Variants in CSMD2 observed in about 807,000 individuals in gnomAD.
The protein encoded by CSMD2 is CUB and sushi domain-containing protein 2.
A neutral mutation model predicts 398.5 loss-of-function variants in CSMD2; 130 were observed. The observed-to-expected ratio is 0.33, with a 90% CI of 0.28 to 0.38. The LOEUF (loss-of-function observed/expected upper bound fraction) is 0.38. Among genes scored for constraint, CSMD2 ranks in the 10% least tolerant of loss-of-function variants. The pLI is 1.00. For synonymous variants in CSMD2, 1,828 were observed against 1,908.5 expected, an observed-to-expected ratio of 0.96 and a Z score of 1.10; for missense variants, 3,829 against 4,764.9, an observed-to-expected ratio of 0.80 and a Z score of 5.78.
rs1640133625 is a variant in CSMD2, at chr1:33,600,378, A to G, written c.6856+487T>C. ...ATCCCTAACTTGGGACTTGTAGAAGAAAACAGGCTGCCAATAAAGGCATAC... is the reference window on the plus strand; with the variant it reads ...ATCCCTAACTTGGGACTTGTAGAAGGAAACAGGCTGCCAATAAAGGCATAC... On this transcript the variant is annotated intron_variant, in intron 44 of 70. Transcript: ENST00000373381. The G allele has an allele frequency of 5.2e-6, 3 of 581,372 alleles. No individual in the cohort carries two copies. The South Asian group carries it at 6.8e-5, about 13-fold the overall frequency. The allele number at this position is 581,372 out of a possible 1,614,324, so 36.0% of individuals were successfully genotyped here.
intron 55 of CSMD2, among the ~76,000 whole-genome samples, chr1:33,552,367 A>G (rs1023674644): frequency 6.6e-6 from 1 of 152,226 alleles, no homozygotes; most frequent in African/African-American, 2.4e-5. Context: ...AAAGTTAAAT[A>G]TAGAGTTCCT....
At chr1:34,122,682 A>T (rs1662317732) in intron 1 of CSMD2, among the ~76,000 whole-genome samples, 1 of 152,160 alleles carries the variant, frequency 6.6e-6, no homozygotes, top group African/African-American at 2.4e-5. Context: ...ACACAGGTCC[A>T]CCTATTTCCA....
intron 56 of CSMD2, among the ~76,000 whole-genome samples, chr1:33,547,093 A>T (rs1022766438): frequency 6.6e-6 from 1 of 152,110 alleles, no homozygotes; most frequent in African/African-American, 2.4e-5. Context: ...TATGCCATAC[A>T]AGTGAGCTCT....
At chr1:34,055,848 G>A (rs1305644169) in intron 2 of CSMD2, among the ~76,000 whole-genome samples, 2 of 152,108 alleles carry the variant, frequency 1.3e-5, no homozygotes, top group African/African-American at 4.8e-5. Context: ...CAGAGTTTGC[G>A]GGTTGACACT....
chr1:34,156,824 C>A (rs1241349894), intron 1 of CSMD2, among the ~76,000 whole-genome samples: 1 of 152,080 alleles, frequency 6.6e-6, no homozygotes, highest in Non-Finnish European at 1.5e-5. Context: ...AAGGGTGGGA[C>A]TGACATCCCT....
intron 33 of CSMD2, among the ~76,000 whole-genome samples, chr1:33,625,540 C>T (rs557508256): frequency 1.3e-5 from 2 of 152,302 alleles, no homozygotes; most frequent in South Asian, 4.1e-4. Flanking sequence ...CCCAACGACG[C>T]CCCTCACTCA....
chr1:33,694,740 C>G (rs1019535837), intron 24 of CSMD2, among the ~76,000 whole-genome samples: 17 of 152,202 alleles, frequency 1.1e-4, no homozygotes, highest in Non-Finnish European at 2.9e-5. Flanking sequence ...ACTAATATAA[C>G]TACAAACAAC....
chr1:33,814,966 T>A (rs927822275), intron 9 of CSMD2, among the ~76,000 whole-genome samples: 2 of 152,000 alleles, frequency 1.3e-5, no homozygotes, highest in Admixed American at 6.6e-5. Context: ...AATACCTACA[T>A]CTTCCTCATC....
At chr1:33,650,149 C>A (rs924752227) in intron 28 of CSMD2, among the ~76,000 whole-genome samples, 54 of 152,194 alleles carry the variant, frequency 3.5e-4, no homozygotes, top group Admixed American at 3.4e-3. Context: ...TCTCTCCCTT[C>A]CATCATCAAA....
chr1:33,930,319 G>A (rs1239983134), intron 4 of CSMD2, among the ~76,000 whole-genome samples: 2 of 152,178 alleles, frequency 1.3e-5, no homozygotes, highest in South Asian at 2.1e-4. Context: ...ACAGCTAGGG[G>A]CTGGCTTACC....
At position 33,618,357 on chromosome 1, in the gene CSMD2, T is replaced by C. The variant is rs142412750; in HGVS notation, c.5828-740A>G. 2.0e-3 allele frequency among the ~76,000 whole-genome samples: 306 copies of C among 152,166 alleles called. 2 individuals are homozygous for C. Among genetic ancestry groups the C allele is most frequent in the Middle Eastern group, 6.8e-3 (2 of 294 alleles). The stretch of plus-strand genomic sequence containing the variant: ...ACCCTGCACTCACAGGCAACTCGTG[T>C]TGCTTAAAATCTCTCCTTGAATTGT... On this transcript the variant is annotated intron_variant, in intron 37 of 70. Transcript: ENST00000373381.
At chr1:33,959,584 A>T (rs899354129) in intron 3 of CSMD2, among the ~76,000 whole-genome samples, 4 of 152,124 alleles carry the variant, frequency 2.6e-5, no homozygotes, top group African/African-American at 9.7e-5. Context: ...GTCAAAGCAA[A>T]GCAGCACAGT....
chr1:33,739,143 C>T lies in CSMD2; in HGVS notation c.2365G>A (p.Glu789Lys). Residue 789 changes from glutamate (E) to lysine (K), a missense_variant, in exon 15 of 71, where the codon GAA (glutamate) becomes AAA (lysine). Around this residue, in one of 5 missense-constraint regions of CSMD2, gnomAD observed 2,001 missense variants for 2,567.1 expected, o/e 0.78. Coordinates refer to ENST00000373381, the MANE Select transcript of CSMD2 (RefSeq NM_001281956.2). ...CTCCCAGCCTGCAGGCTCGTACCTT[C>T]ACACCGCAGCACAGCGCTGTTCCAG... ...VVWNSAVLRC[E>K]APCGGHLTSP... is the part of the protein sequence containing the mutation. 1 of 1,611,504 alleles carries T rather than the reference C, an allele frequency of 6.2e-7. No homozygotes were observed. The highest frequency in any genetic ancestry group is 8.5e-7 in the Non-Finnish European group (1 of 1,179,056).
intron 55 of CSMD2, among the ~76,000 whole-genome samples, chr1:33,555,083 T>G (rs1219042489): frequency 6.6e-6 from 1 of 152,204 alleles, no homozygotes; most frequent in Non-Finnish European, 1.5e-5. Context: ...GGATTAATCA[T>G]TCTAGATGCC....
intron 25 of CSMD2, among the ~76,000 whole-genome samples, chr1:33,679,504 A>C (rs1465219780): frequency 6.6e-6 from 1 of 152,120 alleles, no homozygotes; most frequent in African/African-American, 2.4e-5. Context: ...CCAGCCTCAA[A>C]TACTAGTTCT....
chr1:33,965,126 A>T (rs943484804), intron 3 of CSMD2, among the ~76,000 whole-genome samples: 4 of 152,176 alleles, frequency 2.6e-5, no homozygotes, highest in Admixed American at 2.6e-4. Flanking sequence ...GGTAAACCTT[A>T]TGGAGCTTGA....
At chr1:34,015,486 A>C (rs1387007052) in intron 3 of CSMD2, among the ~76,000 whole-genome samples, 1 of 152,186 alleles carries the variant, frequency 6.6e-6, no homozygotes, top group Non-Finnish European at 1.5e-5. Context: ...ATGAGGAGCC[A>C]CCATGGCACT....
Position 33,586,525 on chromosome 1 carries a change from C to G in CSMD2, c.7030G>C (p.Gly2344Arg). Residue 2344 changes from glycine to arginine, a missense_variant, in exon 46 of 71, where the codon GGA (glycine) becomes CGA (arginine). Around this residue, in one of 5 missense-constraint regions of CSMD2, gnomAD observed 723 missense variants for 758.6 expected, o/e 0.95. Coordinates refer to ENST00000373381, the MANE Select transcript of CSMD2 (RefSeq NM_001281956.2). The stretch of plus-strand genomic sequence containing the variant: ...TTACCTTCACATATCGGGGGTGGTC[C>G]TTCAAACTGCAGGTAGGTTCCAAGT... ...CKLGTYLQFE[G>R]PPPICEVHCP... 1 of 1,613,194 alleles carries G rather than the reference C, an allele frequency of 6.2e-7. No individual in the cohort carries two copies. The highest frequency in any genetic ancestry group is 8.5e-7 in the Non-Finnish European group (1 of 1,179,254).
intron 5 of CSMD2, among the ~76,000 whole-genome samples, chr1:33,847,305 C>G (rs918882430): frequency 9.2e-5 from 14 of 151,658 alleles, no homozygotes; most frequent in African/African-American, 3.4e-4. Context: ...TTTTCTAGTT[C>G]TTTGCCTTTT....
Sources: gnomAD v4.1 joint callset for allele counts (sites outside exome capture counted in the v4.1 genomes callset) on GRCh38, gnomAD v4.1.1 for gene constraint, gnomAD v4.1.1 regional missense constraint, MANE v1.5 for transcripts, NCBI Gene and HGNC (gene_info 2026-07-23, HGNC 2026-07-21) for gene names.